The following PDE1C variants were observed in gnomAD, a reference collection of about 807,000 sequenced individuals.
PDE1C encodes phosphodiesterase 1C.
In PDE1C, 62 loss-of-function variants were observed where a neutral mutation model predicts 93.1. The observed-to-expected ratio is 0.67, with a 90% confidence interval of 0.54 to 0.82. The LOEUF (loss-of-function observed/expected upper bound fraction) is 0.82, where lower values mean the gene tolerates loss of function less well. PDE1C is among the 40% of genes least tolerant of loss of function. The probability of loss-of-function intolerance (pLI) is 0.00; values close to 1 mark genes in which losing one functional copy is unlikely to be tolerated. For missense variants in PDE1C, 742 were observed against 884.6 expected, an observed-to-expected ratio of 0.84 and a Z score of 2.04; for synonymous variants, 325 against 310.1, an observed-to-expected ratio of 1.05 and a Z score of -0.50.
At chr7:32,077,011 C>A (rs555091153) in intron 3 of PDE1C, among the ~76,000 whole-genome samples, 86 of 151,398 alleles carry the variant, frequency 5.7e-4, no homozygotes, top group Admixed American at 1.1e-3. Context: ...CCGAGGCAGG[C>A]AGATTGCCTG....
At chr7:32,366,779 A>G (rs906307620) in intron 1 of PDE1C, among the ~76,000 whole-genome samples, 4 of 152,110 alleles carry the variant, frequency 2.6e-5, no homozygotes, top group African/African-American at 9.7e-5. Flanking sequence ...AAATACTGAA[A>G]GAAAAGGCTG....
the PDE1C span, among the ~76,000 whole-genome samples, chr7:31,740,904 AC>A: frequency 1.3e-5 from 2 of 152,040 alleles, no homozygotes; most frequent in African/African-American, 4.8e-5. Flanking sequence ...CCCTGTCTCT[AC>A]AAAAAACTGA....
chr7:31,842,929 G>C (rs984378988), intron 9 of PDE1C, among the ~76,000 whole-genome samples: 1 of 151,504 alleles, frequency 6.6e-6, no homozygotes, highest in Non-Finnish European at 1.5e-5. Flanking sequence ...TTAATATATT[G>C]CATTTTCATT....
intron 2 of PDE1C, among the ~76,000 whole-genome samples, chr7:31,987,856 GA>G (rs1285218211): frequency 2.0e-5 from 3 of 152,206 alleles, no homozygotes; most frequent in Non-Finnish European, 4.4e-5. Flanking sequence ...GGAATTGGTA[GA>G]AAGTGCTATG....
At chr7:31,803,628 A>G (rs4256506) in intron 16 of PDE1C, among the ~76,000 whole-genome samples, 9,662 of 151,728 alleles carry the variant, frequency 0.064, 366 homozygotes, top group African/African-American at 0.1. Flanking sequence ...ATTCCCACCT[A>G]TGAGTGAGAA....
At chr7:31,837,789 C>G (rs1472486967) in intron 10 of PDE1C, 81 bp downstream of exon 10, 1 of 846,872 alleles carries the variant, frequency 1.2e-6, no homozygotes, top group Non-Finnish European at 2.0e-6. Context: ...AAAGGAGATG[C>G]TCTTTAAAGG....
chr7:31,769,051 C>T (rs1795317734), intron 17 of PDE1C, among the ~76,000 whole-genome samples: 1 of 152,064 alleles, frequency 6.6e-6, no homozygotes. Flanking sequence ...CCACCTCAGC[C>T]TCCCAAAGTG....
chr7:32,414,552 A>C (rs1785234962), intron 1 of PDE1C, among the ~76,000 whole-genome samples: 1 of 152,216 alleles, frequency 6.6e-6, no homozygotes. Context: ...ATGCTTTTTT[A>C]AAAGAGAATG....
chr7:32,140,515 AT>A (rs1800457327), intron 3 of PDE1C, among the ~76,000 whole-genome samples: 1 of 152,230 alleles, frequency 6.6e-6, no homozygotes, highest in African/African-American at 2.4e-5. Flanking sequence ...ATGGAAAACA[AT>A]TAAAGCTGTG....
chr7:32,158,969 ATGT>A (rs1801746250), intron 3 of PDE1C, among the ~76,000 whole-genome samples: 1 of 152,202 alleles, frequency 6.6e-6, no homozygotes, highest in African/African-American at 2.4e-5. Flanking sequence ...AACATAAGGC[ATGT>A]GTTCCTCTCT....
At chr7:31,970,911 G>A (rs1436732630) in intron 2 of PDE1C, among the ~76,000 whole-genome samples, 2 of 152,186 alleles carry the variant, frequency 1.3e-5, no homozygotes, top group African/African-American at 4.8e-5. Context: ...GGGAAGCTGA[G>A]GTGGGAGGAT....
At chr7:31,956,346 C>A (rs1808139060) in intron 2 of PDE1C, among the ~76,000 whole-genome samples, 1 of 152,050 alleles carries the variant, frequency 6.6e-6, no homozygotes, top group Admixed American at 6.5e-5. Context: ...CCTGCCAGGG[C>A]CTCCCAAAGT....
chr7:32,163,829 A>T (rs1802060922), intron 3 of PDE1C, among the ~76,000 whole-genome samples: 2 of 152,162 alleles, frequency 1.3e-5, no homozygotes, highest in African/African-American at 4.8e-5. Context: ...CCCACTGCAT[A>T]ATCCAGTCAC....
chr7:32,395,389 A>G (rs2128093912), intron 1 of PDE1C, among the ~76,000 whole-genome samples: 1 of 152,310 alleles, frequency 6.6e-6, no homozygotes, highest in East Asian at 1.9e-4. Context: ...GAGGGGGGCA[A>G]GAAACTACAG....
At chr7:32,265,380 G>A (rs1173024126) in intron 1 of PDE1C, among the ~76,000 whole-genome samples, 2 of 152,170 alleles carry the variant, frequency 1.3e-5, no homozygotes, top group African/African-American at 4.8e-5. Flanking sequence ...ATGGGCACAT[G>A]ATCCAATTCA....
At chr7:31,664,533 A>AC in the PDE1C span, among the ~76,000 whole-genome samples, 1 of 152,226 alleles carries the variant, frequency 6.6e-6, no homozygotes, top group East Asian at 1.9e-4. Flanking sequence ...ACACAGACTC[A>AC]CATGTCTGGC....
At chr7:31,688,347 A>G in the PDE1C span, among the ~76,000 whole-genome samples, 1 of 152,226 alleles carries the variant, frequency 6.6e-6, no homozygotes, top group Non-Finnish European at 1.5e-5. Context: ...ACAGCATCCA[A>G]TCTTAAAGTT....
At chr7:32,307,923 G>C (rs921792183) in intron 1 of PDE1C, among the ~76,000 whole-genome samples, 68 of 152,324 alleles carry the variant, frequency 4.5e-4, no homozygotes, top group African/African-American at 1.6e-3. Context: ...GCCGAAGCAG[G>C]GCGAGGCATT....
intron 1 of PDE1C, among the ~76,000 whole-genome samples, chr7:32,333,395 G>T (rs1234865353): frequency 6.6e-6 from 1 of 152,092 alleles, no homozygotes; most frequent in Non-Finnish European, 1.5e-5. Context: ...GAGCCCCAAG[G>T]ATATGTACCA....
Sources: allele counts gnomAD v4.1 joint callset (sites outside exome capture counted in the v4.1 genomes callset), GRCh38; gene constraint gnomAD v4.1.1; transcripts MANE v1.5; gene names NCBI Gene and HGNC (gene_info 2026-07-23, HGNC 2026-07-21).